ADAMTSL1: variants seen among roughly 807,000 people sequenced by gnomAD.
ADAMTSL1 encodes ADAMTS like 1.
Under a neutral mutation model 201.8 loss-of-function variants are expected in ADAMTSL1, and 126 were observed. The ratio of observed to expected loss-of-function variants is 0.62; its 90% CI spans 0.54 to 0.72. ADAMTSL1 has a LOEUF of 0.72. Among genes scored for constraint, ADAMTSL1 ranks in the 30% least tolerant of loss-of-function variants. The pLI is 0.00. For synonymous variants in ADAMTSL1, 1,121 were observed against 903.4 expected (o/e 1.24, Z -4.32); for missense variants, 2,679 against 2,277.8 (o/e 1.18, Z -3.59).
At chr9:18,099,807 T>C (rs1587047718) in intron 1 of ADAMTSL1, among the ~76,000 whole-genome samples, 1 of 152,034 alleles carries the variant, frequency 6.6e-6, no homozygotes, top group African/African-American at 2.4e-5. Context: ...TTTGCATTTT[T>C]AGTAGAGACG....
Position 18,574,058 on chromosome 9 carries a change from G to A in ADAMTSL1, c.266G>A (p.Arg89Gln), listed in dbSNP as rs755138687. The change falls in exon 4 of 29, where the codon CGA (arginine) becomes CAA (glutamine). Residue 89 changes from arginine to glutamine, a missense_variant. Physicochemically the swap from Arg to Gln is conservative, Grantham distance 43. Transcript: ENST00000380548. The stretch of plus-strand genomic sequence containing the variant: ...TGCCCACCAGAAGCAGGTGATTTCC[G>A]AGCTCAGCAATGCTCAGCTCATAAT... ...VDCPPEAGDF[R>Q]AQQCSAHNDV... is the part of the protein sequence containing the mutation. 9 of 1,613,660 alleles carry A rather than the reference G, an allele frequency of 5.6e-6. No homozygotes were observed. Among genetic ancestry groups the A allele is most frequent in the South Asian group, 4.4e-5 (4 of 91,050 alleles).
chr9:18,877,787 C>T (rs1828262989), intron 23 of ADAMTSL1, among the ~76,000 whole-genome samples: 1 of 152,042 alleles, frequency 6.6e-6, no homozygotes. Context: ...CTAGGGTCAC[C>T]TGGATAAGTA....
chr9:18,366,672 CAG>C (rs1365800241), intron 2 of ADAMTSL1, among the ~76,000 whole-genome samples: 3 of 119,208 alleles, frequency 2.5e-5, no homozygotes, highest in Non-Finnish European at 4.9e-5. Flanking sequence ...TTTTTTAAGA[CAG>C]AGTCTCAGTC....
At chr9:18,254,111 C>T (rs10810936) in intron 2 of ADAMTSL1, among the ~76,000 whole-genome samples, 47,244 of 151,786 alleles carry the variant, frequency 0.31, 7,426 homozygotes, top group East Asian at 0.48. Flanking sequence ...TTTACCTGAG[C>T]CACCCTGTAA....
intron 2 of ADAMTSL1, among the ~76,000 whole-genome samples, chr9:18,385,100 C>T (rs1459729870): frequency 6.6e-6 from 1 of 152,164 alleles, no homozygotes; most frequent in Non-Finnish European, 1.5e-5. Context: ...AATGGGGTCA[C>T]ATTACAAGCA....
rs1469216591 is a variant in ADAMTSL1, at chr9:18,213,989, G to C, written c.207+50008G>C. Among the ~76,000 whole-genome samples, 4 of 152,006 alleles carry C rather than the reference G, an allele frequency of 2.6e-5. 1 individual carries two copies. ...TGACCTCAGGCAATCTACCCGCCTG[G>C]GCCTCCCAAAGTGCTGGGATTACAG... On this transcript the variant is annotated intron_variant, in intron 2 of 29. Transcript: ENST00000680146.
At chr9:17,942,663 A>G (rs897406953) in intron 1 of ADAMTSL1, among the ~76,000 whole-genome samples, 2 of 152,098 alleles carry the variant, frequency 1.3e-5, no homozygotes, top group African/African-American at 4.8e-5. Context: ...CATGCTCTGA[A>G]ACTCATGTGC....
chr9:18,729,479 G>A (rs1345265646), intron 15 of ADAMTSL1, among the ~76,000 whole-genome samples: 1 of 152,194 alleles, frequency 6.6e-6, no homozygotes, highest in East Asian at 1.9e-4. Context: ...CATTCAGGCA[G>A]CAAGGATGGC....
chr9:18,264,329 C>T (rs564509630), intron 2 of ADAMTSL1, among the ~76,000 whole-genome samples: 20 of 152,260 alleles, frequency 1.3e-4, no homozygotes, highest in Admixed American at 6.5e-4. Flanking sequence ...TCCTTAACTT[C>T]CAATGTATAT....
intron 7 of ADAMTSL1, among the ~76,000 whole-genome samples, chr9:18,646,141 T>G (rs182633869): frequency 6.6e-6 from 1 of 151,656 alleles, no homozygotes; most frequent in Non-Finnish European, 1.5e-5. Context: ...ATTTTATTCT[T>G]TTTGAAGCAA....
chr9:18,613,222 G>T (rs897792949), intron 4 of ADAMTSL1, among the ~76,000 whole-genome samples: 3 of 152,158 alleles, frequency 2.0e-5, no homozygotes, highest in African/African-American at 7.2e-5. Context: ...ACAGATGCTG[G>T]TAAGGTTGTG....
At chr9:18,552,707 T>C (rs1820860987) in intron 3 of ADAMTSL1, among the ~76,000 whole-genome samples, 1 of 151,738 alleles carries the variant, frequency 6.6e-6, no homozygotes, top group African/African-American at 2.4e-5. Context: ...ACTGTCTTAT[T>C]AGGTAGATAT....
At chr9:17,993,152 A>T (rs1819230894) in intron 1 of ADAMTSL1, among the ~76,000 whole-genome samples, 1 of 152,170 alleles carries the variant, frequency 6.6e-6, no homozygotes. Context: ...ATGGAAAGGA[A>T]GAAAGATCAT....
chr9:18,588,884 C>CATATATATATATATATATACATATATAT (rs1823713955), intron 4 of ADAMTSL1, among the ~76,000 whole-genome samples: 4 of 122,814 alleles, frequency 3.3e-5, no homozygotes, highest in African/African-American at 1.2e-4. Context: ...TATACATATA[C>CATATATATATATATATATACATATATAT]ATATATATAT....
chr9:18,543,798 C>A (rs1820308651), intron 3 of ADAMTSL1, among the ~76,000 whole-genome samples: 1 of 152,188 alleles, frequency 6.6e-6, no homozygotes, highest in Non-Finnish European at 1.5e-5. Context: ...TGGCCAAGTT[C>A]ACTGGGTGCC....
intron 2 of ADAMTSL1, among the ~76,000 whole-genome samples, chr9:18,514,610 G>A (rs1818255165): frequency 6.6e-6 from 1 of 152,096 alleles, no homozygotes; most frequent in Non-Finnish European, 1.5e-5. Context: ...GATTACAGGC[G>A]TGAGCCACCA....
At chr9:18,123,179 C>A (rs1380589185) in intron 1 of ADAMTSL1, among the ~76,000 whole-genome samples, 1 of 152,140 alleles carries the variant, frequency 6.6e-6, no homozygotes, top group Non-Finnish European at 1.5e-5. Context: ...GAATTCTTAA[C>A]TCCTAGTAAC....
Position 18,777,542 on chromosome 9 carries a change from G to A in ADAMTSL1, c.3313G>A (p.Ala1105Thr). 2 of 1,603,460 alleles carry A rather than the reference G, an allele frequency of 1.2e-6. No homozygotes were observed. Among genetic ancestry groups the A allele is most frequent in the Non-Finnish European group, 1.7e-6 (2 of 1,175,396 alleles). ...CAGCAAGCACCTGGTGGCCCAGCTGGCCCAGGAGATCTTCCGCAGCCACCT... is the reference window on the plus strand; with the variant it reads ...CAGCAAGCACCTGGTGGCCCAGCTGACCCAGGAGATCTTCCGCAGCCACCT... The part of the protein sequence containing the change: ...LYSKHLVAQL[A>T]QEIFRSHLEH... Residue 1105 changes from alanine (A) to threonine (T), a missense_variant, in exon 19 of 29, where the codon GCC becomes ACC. Transcript: ENST00000380548.
At chr9:18,006,401 C>T (rs1049550855) in intron 1 of ADAMTSL1, among the ~76,000 whole-genome samples, 2 of 151,904 alleles carry the variant, frequency 1.3e-5, no homozygotes, top group Non-Finnish European at 2.9e-5. Flanking sequence ...TCACAGTTGG[C>T]CCTTTGGAGC....
Sources: allele counts gnomAD v4.1 joint callset (sites outside exome capture counted in the v4.1 genomes callset), GRCh38; gene constraint gnomAD v4.1.1; transcripts MANE v1.5; gene names NCBI Gene and HGNC (gene_info 2026-07-23, HGNC 2026-07-21).